Variants in STK10 observed in about 807,000 individuals in gnomAD.
STK10 encodes serine/threonine kinase 10.
STK10 carries 78 observed loss-of-function variants against 113.8 expected under a neutral mutation model. That is an observed-to-expected ratio of 0.69 (90% CI 0.57 to 0.83). STK10 has a LOEUF of 0.83. STK10 is among the 40% of genes least tolerant of loss of function. The pLI is 0.00. For missense variants in STK10, 1,109 were observed against 1,280.1 expected, an observed-to-expected ratio of 0.87 and a Z score of 2.04; for synonymous variants, 465 against 494.7, an observed-to-expected ratio of 0.94 and a Z score of 0.80.
rs187016273 is a variant in STK10 at position 172,128,141 on chromosome 5, T to G, written c.322-720A>C. On this transcript the variant is annotated intron_variant, in intron 2 of 18. Coordinates refer to ENST00000176763, the MANE Select transcript of STK10 (RefSeq NM_005990.4). ...GGAGGGGCAGAAAGGACGATTACAG[T>G]AGAAAGGTCCTTCCTGACCTCGTGA... Among the ~76,000 whole-genome samples the G allele has an allele frequency of 4.2e-3, 590 of 140,326 alleles. 5 individuals are homozygous for G. Among genetic ancestry groups the G allele is most frequent in the African/African-American group, 0.015 (554 of 37,418 alleles). 92.1% of individuals were successfully genotyped at this position (140,326 alleles called of 152,430 possible).
At chr5:172,079,716 T>C (rs73321804) in intron 12 of STK10, among the ~76,000 whole-genome samples, 6,892 of 152,104 alleles carry the variant, frequency 0.045, 548 homozygotes, top group African/African-American at 0.16. Flanking sequence ...CCTGTGATCA[T>C]GCCTGACTAA....
At chr5:172,137,957 C>T (rs1049154112) in intron 2 of STK10, among the ~76,000 whole-genome samples, 2 of 151,276 alleles carry the variant, frequency 1.3e-5, no homozygotes, top group African/African-American at 4.9e-5. Flanking sequence ...TAACATCGCA[C>T]TTAATGGTGA....
intron 7 of STK10, among the ~76,000 whole-genome samples, chr5:172,102,076 G>A (rs1232825608): frequency 6.6e-6 from 1 of 152,144 alleles, no homozygotes. Context: ...ACATGAGCTG[G>A]CCCCTGTTGA....
At position 172,093,150 on chromosome 5, in the gene STK10, G is replaced by A. The variant is rs78114124; in HGVS notation, c.1554+262C>T. Among the ~76,000 whole-genome samples, 1,828 of 152,264 alleles carry A rather than the reference G, an allele frequency of 0.012. 23 individuals carry two copies. Among genetic ancestry groups the A allele is most frequent in the Middle Eastern group, 0.034 (10 of 294 alleles). On this transcript the variant is annotated intron_variant, in intron 9 of 18. Transcript: ENST00000176763. This position sits in a 1 kb window ranked among gnomAD's most constrained non-coding sequence, Gnocchi z 4.1. ...ATGACAGAACTTCATTTGTAGCTAA[G>A]GCCTAAGAGTTCTCTCTCCCAAATT...
At chr5:172,059,814 G>C (rs1581134871) in intron 14 of STK10, among the ~76,000 whole-genome samples, 1 of 152,094 alleles carries the variant, frequency 6.6e-6, no homozygotes, top group Non-Finnish European at 1.5e-5. Flanking sequence ...AAAGCTGCTG[G>C]TATGCTACTG....
At chr5:172,184,876 G>T (rs764681811) in intron 1 of STK10, among the ~76,000 whole-genome samples, 2 of 152,130 alleles carry the variant, frequency 1.3e-5, no homozygotes, top group Non-Finnish European at 2.9e-5. Flanking sequence ...GCCCCAGCTG[G>T]TCTCAAACTC....
At chr5:172,078,947 CCACACACA>C (rs57963957) in intron 12 of STK10, among the ~76,000 whole-genome samples, 1,503 of 144,724 alleles carry the variant, frequency 0.01, 22 homozygotes, top group African/African-American at 0.036. Flanking sequence ...TCTTATAAGT[CCACACACA>C]CACACACACA....
intron 2 of STK10, among the ~76,000 whole-genome samples, chr5:172,153,244 C>A (rs1303948107): frequency 6.9e-6 from 1 of 145,738 alleles, no homozygotes; most frequent in Non-Finnish European, 1.5e-5. Flanking sequence ...TGAAATCGCG[C>A]CATTGCACTC....
chr5:172,166,158 C>G (rs967080182), intron 1 of STK10, among the ~76,000 whole-genome samples: 1 of 152,134 alleles, frequency 6.6e-6, no homozygotes, highest in South Asian at 2.1e-4. Flanking sequence ...GCTGCTAAAT[C>G]GGTAGAATGA....
chr5:172,069,696 T>C (rs1340972845), intron 12 of STK10, among the ~76,000 whole-genome samples: 1 of 152,156 alleles, frequency 6.6e-6, no homozygotes, highest in East Asian at 1.9e-4. Context: ...GAGAAATAGA[T>C]AAATCCACAA....
intron 6 of STK10, among the ~76,000 whole-genome samples, chr5:172,106,401 C>CAAAAAAAAAAACAAAAAAAA (rs1769107930): frequency 1.9e-5 from 1 of 53,442 alleles, no homozygotes; most frequent in Non-Finnish European, 3.8e-5. Flanking sequence ...GACCCTATCT[C>CAAAAAAAAAAACAAAAAAAA]AAAAAAAAAA....
chr5:172,141,893 G>A (rs938387489), intron 2 of STK10, among the ~76,000 whole-genome samples: 1 of 152,196 alleles, frequency 6.6e-6, no homozygotes, highest in African/African-American at 2.4e-5. Context: ...CTGTCGTGGT[G>A]CCGTGTAAGG....
intron 1 of STK10, among the ~76,000 whole-genome samples, chr5:172,182,603 G>C (rs1475150258): frequency 6.8e-6 from 1 of 146,114 alleles, no homozygotes; most frequent in Non-Finnish European, 1.5e-5. Flanking sequence ...ACCCAGGTTG[G>C]TTTGCAATGG....
At chr5:172,051,362 C>A (rs996941284) in intron 18 of STK10, among the ~76,000 whole-genome samples, 1 of 152,098 alleles carries the variant, frequency 6.6e-6, no homozygotes, top group Non-Finnish European at 1.5e-5. Flanking sequence ...CACGTTCCCA[C>A]GCCTGTAATC....
rs1768860215 is a variant in STK10, at chr5:172,096,552, G to A, written c.879C>T (p.Phe293=). 4 of 1,613,270 alleles carry A rather than the reference G, an allele frequency of 2.5e-6. No homozygotes were observed. Among genetic ancestry groups the A allele is most frequent in the South Asian group, 1.1e-5 (1 of 91,086 alleles). The part of the protein sequence containing the change: ...PSAAQLLEHP[F]VSSITSNKAL... ...CCTTGTTACTGGTGATGCTGCTGAC[G>A]AAGGGATGCTGAGGGGGCAAGATGC... is the stretch of plus-strand genomic sequence containing the variant. The change falls in exon 8 of 19, where the codon TTC becomes TTT. Residue 293 remains phenylalanine (F), a synonymous_variant. Transcript: ENST00000176763.
intron 3 of STK10, among the ~76,000 whole-genome samples, chr5:172,121,676 C>T (rs1300015416): frequency 6.6e-6 from 1 of 151,984 alleles, no homozygotes; most frequent in Admixed American, 6.6e-5. Context: ...TGTGGTTGCA[C>T]TCCAGCCTGG....
intron 5 of STK10, 44 bp from the exon 6 acceptor site, chr5:172,106,858 T>C (rs1218445959): frequency 3.2e-6 from 5 of 1,563,466 alleles, no homozygotes; most frequent in Non-Finnish European, 4.3e-6. Context: ...ATCTGGCCTT[T>C]ACAGGTGCTT....
chr5:172,155,809 A>G (rs1349784874), intron 2 of STK10, among the ~76,000 whole-genome samples: 2 of 152,112 alleles, frequency 1.3e-5, no homozygotes, highest in East Asian at 3.9e-4. Context: ...AGCCTGGCCA[A>G]CACGGCAAAA....
chr5:172,108,465 A>G (rs1441928906), intron 4 of STK10, among the ~76,000 whole-genome samples: 1 of 151,910 alleles, frequency 6.6e-6, no homozygotes, highest in Non-Finnish European at 1.5e-5. Context: ...AAAATACAAA[A>G]ATTAGCCAGG....
Sources: gnomAD v4.1 joint callset for allele counts (sites outside exome capture counted in the v4.1 genomes callset) on GRCh38, gnomAD v4.1.1 for gene constraint, Gnocchi (gnomAD v3.1) non-coding constraint, MANE v1.5 for transcripts, NCBI Gene and HGNC (gene_info 2026-07-23, HGNC 2026-07-21) for gene names.